The following PCDH15 variants were observed in gnomAD, a reference collection of about 807,000 sequenced individuals.
The protein encoded by PCDH15 is protocadherin related 15.
PCDH15 carries 129 observed loss-of-function variants against 178.5 expected under a neutral mutation model. That is an observed-to-expected ratio of 0.72 (90% CI 0.63 to 0.84). PCDH15 has a LOEUF of 0.84. Among genes scored for constraint, PCDH15 ranks in the 40% least tolerant of loss-of-function variants. The probability of loss-of-function intolerance (pLI) is 0.00; values close to 1 mark genes in which losing one functional copy is unlikely to be tolerated. For synonymous variants in PCDH15, 800 were observed against 732.0 expected (o/e 1.09, Z -1.50); for missense variants, 2,230 against 2,099.9 (o/e 1.06, Z -1.21).
Position 54,717,842 on chromosome 10 carries a change from C to T in PCDH15, c.-28-53552G>A, listed in dbSNP as rs529318134. On this transcript the variant is annotated intron_variant, in intron 1 of 37. Transcript: ENST00000644397. ...TTTACTGCGGCACTATTCATAATAGCGAAGACTTGGAACCAACCCAAATGT... is the reference window on the plus strand; with the variant it reads ...TTTACTGCGGCACTATTCATAATAGTGAAGACTTGGAACCAACCCAAATGT... 1.5e-4 allele frequency among the ~76,000 whole-genome samples: 22 copies of T among 143,714 alleles called. 2 individuals carry two copies. In the South Asian group the frequency reaches 3.5e-3, roughly 23 times the overall value. The allele number at this position is 143,714 out of a possible 152,430, so 94.3% of individuals were successfully genotyped here.
chr10:54,983,317 A>G (rs1032036226), intron 2 of PCDH15, among the ~76,000 whole-genome samples: 4 of 152,126 alleles, frequency 2.6e-5, no homozygotes, highest in African/African-American at 9.7e-5. Flanking sequence ...TCTGAACAAT[A>G]TGATGGTTCA....
intron 3 of PCDH15, among the ~76,000 whole-genome samples, chr10:54,526,137 A>G (rs2132633768): frequency 6.6e-6 from 1 of 152,346 alleles, no homozygotes; most frequent in East Asian, 1.9e-4. Flanking sequence ...CTATGGCAAC[A>G]TCTTCGTAGA....
At chr10:54,995,147 C>T (rs561775523) in intron 2 of PCDH15, among the ~76,000 whole-genome samples, 51 of 151,890 alleles carry the variant, frequency 3.4e-4, no homozygotes, top group Admixed American at 1.4e-3. Context: ...GAGGCCGAGG[C>T]GGGCGGATCA....
chr10:54,602,399 T>C (rs2092579780), intron 2 of PCDH15, among the ~76,000 whole-genome samples: 2 of 152,012 alleles, frequency 1.3e-5, no homozygotes, highest in East Asian at 1.9e-4. Context: ...TTGAGACTTT[T>C]AGACTTTTCT....
At chr10:55,513,892 T>A (rs903317576) in intron 2 of PCDH15, among the ~76,000 whole-genome samples, 5 of 152,060 alleles carry the variant, frequency 3.3e-5, no homozygotes, top group African/African-American at 1.2e-4. Context: ...TTTAAAAAGG[T>A]GTACCAAACA....
At chr10:54,615,044 C>T (rs2093086578) in intron 2 of PCDH15, among the ~76,000 whole-genome samples, 1 of 151,734 alleles carries the variant, frequency 6.6e-6, no homozygotes, top group Non-Finnish European at 1.5e-5. Context: ...AGGTATTTAC[C>T]CATTCACACA....
intron 2 of PCDH15, among the ~76,000 whole-genome samples, chr10:55,395,242 C>T (rs1312952968): frequency 2.7e-5 from 4 of 145,678 alleles, no homozygotes; most frequent in East Asian, 4.2e-4. Context: ...AAAGAGACTA[C>T]GTACGTTTTA....
chr10:55,595,218 A>G (rs1031814290), intron 2 of PCDH15, among the ~76,000 whole-genome samples: 1 of 151,990 alleles, frequency 6.6e-6, no homozygotes, highest in Non-Finnish European at 1.5e-5. Context: ...TAGGAAGTTT[A>G]TTTTTCTCTT....
chr10:53,999,001 C>A lies in PCDH15; in HGVS notation c.2752-3236G>T, dbSNP rs770384279. On this transcript the variant is annotated intron_variant, in intron 20 of 37. Coordinates refer to ENST00000644397, the MANE Select transcript of PCDH15 (RefSeq NM_001384140.1). ...CCAGGAGGCGGATGTTGCAGTGAGC[C>A]GAGATCGCGCCATTGCACTCCAGCC... Among the ~76,000 whole-genome samples, 13 of 146,454 alleles carry A rather than the reference C, an allele frequency of 8.9e-5. No individual in the cohort carries two copies. The South Asian group carries it at 1.7e-3, about 19-fold the overall frequency.
chr10:55,238,070 A>C lies in PCDH15; in HGVS notation c.-155-71419T>G, dbSNP rs944889878. ...TAAACACTTAAAAATTATATACGTG[A>C]TTTTTGACCTGAAATAAGATTTAAC... is the stretch of plus-strand genomic sequence containing the variant. On this transcript the variant is annotated intron_variant, in intron 1 of 5. Transcript: ENST00000458638. 5.3e-5 allele frequency among the ~76,000 whole-genome samples: 8 copies of C among 151,244 alleles called. No individual in the cohort carries two copies. In the South Asian group the frequency reaches 8.3e-4, roughly 16 times the overall value.
At chr10:54,859,979 A>G (rs1169909764) in intron 3 of PCDH15, among the ~76,000 whole-genome samples, 1 of 152,030 alleles carries the variant, frequency 6.6e-6, no homozygotes, top group African/African-American at 2.4e-5. Flanking sequence ...ATAAACTATG[A>G]CAACTCAGAC....
intron 2 of PCDH15, among the ~76,000 whole-genome samples, chr10:54,549,667 G>T (rs888538734): frequency 2.0e-5 from 3 of 151,430 alleles, no homozygotes; most frequent in Admixed American, 6.6e-5. Context: ...TTTGGTATAG[G>T]TTTTTATATA....
intron 1 of PCDH15, among the ~76,000 whole-genome samples, chr10:55,301,143 T>G (rs879443538): frequency 2.6e-5 from 4 of 152,196 alleles, no homozygotes; most frequent in South Asian, 2.1e-4. Flanking sequence ...TAATGTATCA[T>G]ATGATAGTTG....
intron 1 of PCDH15, among the ~76,000 whole-genome samples, chr10:54,797,396 G>T (rs1441524267): frequency 6.6e-6 from 1 of 151,782 alleles, no homozygotes; most frequent in Non-Finnish European, 1.5e-5. Context: ...AATTTTAAGG[G>T]TGAATGCAAC....
chr10:55,468,275 T>C (rs180945789), intron 2 of PCDH15: 1 of 152,284 alleles, frequency 6.6e-6, no homozygotes, highest in Non-Finnish European at 1.5e-5. Context: ...CTTTTCGTTG[T>C]CGTTGTTGTT....
At chr10:54,965,432 A>G (rs1390288615) in intron 2 of PCDH15, among the ~76,000 whole-genome samples, 2 of 151,998 alleles carry the variant, frequency 1.3e-5, no homozygotes, top group Non-Finnish European at 2.9e-5. Context: ...GCCTGCTTCC[A>G]TGTAAGACGC....
chr10:54,906,711 G>A (rs527712625), intron 2 of PCDH15, among the ~76,000 whole-genome samples: 3 of 152,220 alleles, frequency 2.0e-5, no homozygotes, highest in South Asian at 4.1e-4. Context: ...GGTAAGAGAG[G>A]TTCATTTATA....
At chr10:54,557,224 A>G (rs988630202) in intron 2 of PCDH15, among the ~76,000 whole-genome samples, 2 of 152,142 alleles carry the variant, frequency 1.3e-5, no homozygotes, top group East Asian at 1.9e-4. Flanking sequence ...GTAAATTTTA[A>G]TCACACAAGG....
intron 2 of PCDH15, among the ~76,000 whole-genome samples, chr10:55,495,718 A>T (rs1402897855): frequency 6.6e-6 from 1 of 151,754 alleles, no homozygotes; most frequent in Non-Finnish European, 1.5e-5. Context: ...TGACCCATGA[A>T]TTTCACTTCT....
Sources: allele counts gnomAD v4.1 joint callset (sites outside exome capture counted in the v4.1 genomes callset), GRCh38; gene constraint gnomAD v4.1.1; transcripts MANE v1.5; gene names NCBI Gene and HGNC (gene_info 2026-07-23, HGNC 2026-07-21).